The following SLC5A1 variants were observed in gnomAD, a reference collection of about 807,000 sequenced individuals.
SLC5A1 encodes the protein sodium/glucose cotransporter 1.
Under a neutral mutation model 73.5 loss-of-function variants are expected in SLC5A1, and 42 were observed. The observed-to-expected ratio is 0.57, with a 90% confidence interval of 0.45 to 0.74. SLC5A1 has a LOEUF of 0.74. Ranked by LOEUF, SLC5A1 falls within the 30% of genes least tolerant of loss-of-function variation. The pLI, the probability that SLC5A1 is intolerant of heterozygous loss-of-function variation, is 0.00. For missense variants in SLC5A1, 634 were observed against 855.4 expected (o/e 0.74, Z 3.23); for synonymous variants, 300 against 317.4 (o/e 0.95, Z 0.58).
At chr22:32,083,053 G>T (rs1468158758) in intron 6 of SLC5A1, 21 bp from the exon 7 acceptor site, 1 of 1,612,294 alleles carries the variant, frequency 6.2e-7, no homozygotes, top group South Asian at 1.1e-5. Flanking sequence ...GGTCAGATGT[G>T]TTGTCTTCTT....
intron 5 of SLC5A1, 121 bp from the exon 6 acceptor site, chr22:32,081,745 C>T: frequency 1.3e-6 from 1 of 754,598 alleles, no homozygotes; most frequent in Non-Finnish European, 2.4e-6. Context: ...TTCTTTTTCT[C>T]ATGGAATACG....
chr22:32,066,396 C>T (rs2093973313), intron 2 of SLC5A1, among the ~76,000 whole-genome samples: 1 of 152,196 alleles, frequency 6.6e-6, no homozygotes, highest in Non-Finnish European at 1.5e-5. Flanking sequence ...AATTTAATAG[C>T]TAGGAATCAC....
At chr22:32,088,586 G>A (rs1455306446) in intron 10 of SLC5A1, among the ~76,000 whole-genome samples, 3 of 151,964 alleles carry the variant, frequency 2.0e-5, no homozygotes, top group Non-Finnish European at 4.4e-5. Flanking sequence ...TGATCCACTC[G>A]CCTCAGCCTC....
chr22:32,099,101 AAAAAAT>A (rs1250188224), intron 11 of SLC5A1, 76 bp from the exon 12 acceptor site: 632 of 130,886 alleles, frequency 4.8e-3, no homozygotes, highest in African/African-American at 0.031. Flanking sequence ...AAAAAAAAAA[AAAAAAT>A]ATATATATAT....
intron 5 of SLC5A1, among the ~76,000 whole-genome samples, chr22:32,069,291 T>TCAA (rs1377169471): frequency 1.3e-5 from 2 of 152,006 alleles, no homozygotes; most frequent in Admixed American, 6.5e-5. Context: ...GTTGGGGAGA[T>TCAA]ATTGGTCAAA....
At chr22:32,106,493 G>A (rs1490925511) in intron 14 of SLC5A1, among the ~76,000 whole-genome samples, 2 of 152,162 alleles carry the variant, frequency 1.3e-5, no homozygotes, top group African/African-American at 4.8e-5. Context: ...GAATGGCCAG[G>A]GATAAGAGAA....
chr22:32,105,686 A>T (rs1474726877), intron 14 of SLC5A1, among the ~76,000 whole-genome samples: 1 of 151,946 alleles, frequency 6.6e-6, no homozygotes, highest in Admixed American at 6.6e-5. Context: ...CATTCTTTCT[A>T]TTTTTTTGTT....
At chr22:32,107,959 C>A (rs572560383) in intron 14 of SLC5A1, among the ~76,000 whole-genome samples, 1 of 152,294 alleles carries the variant, frequency 6.6e-6, no homozygotes, top group South Asian at 2.1e-4. Flanking sequence ...ATGATATGAT[C>A]ATAACATGTT....
At chr22:32,049,415 C>CT (rs130265) in intron 1 of SLC5A1, among the ~76,000 whole-genome samples, 63,989 of 130,334 alleles carry the variant, frequency 0.49, 18,074 homozygotes, top group East Asian at 0.83. Context: ...ATTTCTTTTT[C>CT]TTTTTTTTTT....
intron 1 of SLC5A1, among the ~76,000 whole-genome samples, chr22:32,048,357 T>C: frequency 6.6e-6 from 1 of 152,178 alleles, no homozygotes; most frequent in Non-Finnish European, 1.5e-5. Context: ...ATCCGAAGGC[T>C]TAGAGGCAAC....
intron 5 of SLC5A1, among the ~76,000 whole-genome samples, chr22:32,074,580 C>G (rs1438961230): frequency 1.3e-5 from 2 of 152,168 alleles, no homozygotes; most frequent in Non-Finnish European, 2.9e-5. Flanking sequence ...CAGCATTTCC[C>G]AGTCCAGACT....
chr22:32,068,031 G>A lies in SLC5A1; in HGVS notation c.372+5G>A. On this transcript the variant is annotated splice_donor_5th_base_variant and intron_variant, in intron 4 of 14. Transcript: ENST00000266088. ...CCCATCTATATTAAGGCTGGGGTAA[G>A]TATCTGCTCTGTTATTTCATTTCCT... The A allele has an allele frequency of 6.2e-7, 1 of 1,613,424 alleles. No individual in the cohort carries two copies. Among genetic ancestry groups the A allele is most frequent in the Non-Finnish European group, 8.5e-7 (1 of 1,179,320 alleles).
intron 14 of SLC5A1, among the ~76,000 whole-genome samples, chr22:32,108,674 A>G (rs1000955063): frequency 4.6e-5 from 7 of 152,144 alleles, no homozygotes; most frequent in Admixed American, 3.3e-4. Context: ...CTCTACCCCA[A>G]TAAGAGCTAG....
intron 5 of SLC5A1, among the ~76,000 whole-genome samples, chr22:32,079,566 T>C (rs1252332791): frequency 2.0e-5 from 3 of 152,336 alleles, no homozygotes; most frequent in Middle Eastern, 3.4e-3. Flanking sequence ...TACGATGGCA[T>C]GTTGTCATAA....
chr22:32,061,861 CT>C (rs1475687236), intron 2 of SLC5A1, among the ~76,000 whole-genome samples: 3 of 152,128 alleles, frequency 2.0e-5, no homozygotes, highest in Non-Finnish European at 4.4e-5. Context: ...CTGAGGTCCA[CT>C]TTGGGGACAG....
In SLC5A1 at chr22:32,091,727, G is replaced by A. The variant is rs200577192; in HGVS notation, c.1245G>A (p.Lys415=). Residue 415 remains lysine, a synonymous_variant, in exon 11 of 15, where the codon AAG becomes AAA. Coordinates refer to ENST00000266088, the MANE Select transcript of SLC5A1 (RefSeq NM_000343.4). ...FTMDIYAKVR[K]RASEKELMIA... Reference sequence around the variant, plus strand: ...TGGACATCTACGCCAAGGTCCGCAAGAGAGCATCTGAGAAAGAGCTCATGA... The same window carrying A: ...TGGACATCTACGCCAAGGTCCGCAAAAGAGCATCTGAGAAAGAGCTCATGA... The A allele has an allele frequency of 4.3e-6, 7 of 1,613,996 alleles. No individual in the cohort carries two copies. The highest frequency in any genetic ancestry group is 5.9e-6 in the Non-Finnish European group (7 of 1,179,986).
chr22:32,068,243 C>T (rs1230054552), intron 4 of SLC5A1, among the ~76,000 whole-genome samples: 1 of 152,132 alleles, frequency 6.6e-6, no homozygotes, highest in Non-Finnish European at 1.5e-5. Context: ...CTTAGTGATG[C>T]CCAGTGACAG....
intron 2 of SLC5A1, among the ~76,000 whole-genome samples, chr22:32,051,092 C>T (rs762173796): frequency 3.9e-5 from 6 of 152,216 alleles, no homozygotes; most frequent in Non-Finnish European, 8.8e-5. Flanking sequence ...CCCAGGTACA[C>T]AGCCCAGTGA....
At chr22:32,088,537 C>T (rs557941214) in intron 10 of SLC5A1, among the ~76,000 whole-genome samples, 1 of 152,168 alleles carries the variant, frequency 6.6e-6, no homozygotes, top group East Asian at 1.9e-4. Flanking sequence ...CGGGGTTTCA[C>T]CACATTGGCC....
Sources: gnomAD v4.1 joint callset for allele counts (sites outside exome capture counted in the v4.1 genomes callset) on GRCh38, gnomAD v4.1.1 for gene constraint, MANE v1.5 for transcripts, NCBI Gene and HGNC (gene_info 2026-07-23, HGNC 2026-07-21) for gene names.